Variants in ABCA13 observed in about 807,000 individuals in gnomAD.
ABCA13 encodes ATP binding cassette subfamily A member 13, also known as ATP-binding cassette sub-family A member 13.
Under a neutral mutation model 478.7 loss-of-function variants are expected in ABCA13, and 476 were observed. The observed-to-expected ratio is 0.99, with a 90% CI of 0.92 to 1.07. ABCA13 has a LOEUF of 1.07. Ranked by LOEUF, ABCA13 falls within the 50% of genes least tolerant of loss-of-function variation. The pLI, the probability that ABCA13 is intolerant of heterozygous loss-of-function variation, is 0.00. For synonymous variants in ABCA13, 2,252 were observed against 2,158.9 expected, an observed-to-expected ratio of 1.04 and a Z score of -1.20; for missense variants, 6,060 against 5,910.6, an observed-to-expected ratio of 1.03 and a Z score of -0.83.
At chr7:48,595,442 C>T (rs56408667) in intron 58 of ABCA13, among the ~76,000 whole-genome samples, 18,938 of 152,106 alleles carry the variant, frequency 0.12, 1,387 homozygotes, top group East Asian at 0.18. Context: ...CTTGTTTTGT[C>T]TTTATGTTTA....
At chr7:48,183,334 A>G (rs1795955267) in intron 1 of ABCA13, among the ~76,000 whole-genome samples, 1 of 152,248 alleles carries the variant, frequency 6.6e-6, no homozygotes, top group Non-Finnish European at 1.5e-5. Context: ...TGTTCAAGAC[A>G]GATGGAAAAT....
chr7:48,583,335 C>T (rs1468971890), intron 56 of ABCA13, among the ~76,000 whole-genome samples: 1 of 152,228 alleles, frequency 6.6e-6, no homozygotes, highest in Non-Finnish European at 1.5e-5. Context: ...CCAGGATAAA[C>T]ATTTCCATCT....
intron 59 of ABCA13, among the ~76,000 whole-genome samples, chr7:48,642,074 G>A (rs779807814): frequency 3.3e-5 from 5 of 152,172 alleles, no homozygotes; most frequent in Non-Finnish European, 7.3e-5. Flanking sequence ...TCTCAGCCAT[G>A]TGAAGATTAG....
chr7:48,381,614 C>T (rs1185906676), intron 35 of ABCA13, among the ~76,000 whole-genome samples: 1 of 152,102 alleles, frequency 6.6e-6, no homozygotes, highest in East Asian at 1.9e-4. Flanking sequence ...CTGGTCCTCT[C>T]GAAGAGTTTT....
chr7:48,516,162 G>A (rs1832090831), intron 51 of ABCA13, among the ~76,000 whole-genome samples: 1 of 152,300 alleles, frequency 6.6e-6, no homozygotes, highest in South Asian at 2.1e-4. Context: ...CAGTCTTACG[G>A]CTGTCCCCTT....
Position 48,278,452 on chromosome 7 carries a change from TC to T in ABCA13, c.7259del (p.Ser2420Ter). The T allele has an allele frequency of 6.2e-7, 1 of 1,613,986 alleles. No individual in the cohort carries two copies. Among genetic ancestry groups the T allele is most frequent in the Non-Finnish European group, 8.5e-7 (1 of 1,179,872 alleles). On this transcript the variant is annotated frameshift_variant, in exon 18 of 62. Coordinates refer to ENST00000435803, the MANE Select transcript of ABCA13 (RefSeq NM_152701.5). LOFTEE classifies it high-confidence loss of function. The stretch of plus-strand genomic sequence containing the variant: ...AGCTCTTCACCTTGTAAGAGAATGT[TC>T]AACAGAGATGGCAAGACTTCTGGAT... ...GSALHLVRECSTEMARLLDTI... is the reference protein window; with the variant it reads ...GSALHLVRECXTEMARLLDTI...
At chr7:48,418,080 C>A (rs182063351) in intron 41 of ABCA13, among the ~76,000 whole-genome samples, 1 of 152,122 alleles carries the variant, frequency 6.6e-6, no homozygotes, top group Non-Finnish European at 1.5e-5. Flanking sequence ...TTTATCTATT[C>A]ATCTACTGAA....
At position 48,276,431 on chromosome 7, in the gene ABCA13, C is replaced by G. The variant is rs748460691; in HGVS notation, c.6765C>G (p.Leu2255=). 2 of 1,573,332 alleles carry G rather than the reference C, an allele frequency of 1.3e-6. No individual in the cohort carries two copies. The highest frequency in any genetic ancestry group is 2.2e-5 in the East Asian group (1 of 44,508). ...CAGAAACTAGTAGGAAAACAGTTCT[C>G]TCTCTGAGAAGCATAGTAGATTTCA... ...MQSETSRKTV[L]SLRSIVDFTE... is the part of the protein sequence containing the mutation. The change falls in exon 17 of 62, where the codon CTC becomes CTG. Residue 2255 remains leucine, a synonymous_variant. Transcript: ENST00000435803.
Position 48,274,312 on chromosome 7 carries a change from C to T in ABCA13, c.4646C>T (p.Thr1549Ile). The change falls in exon 17 of 62, where the codon ACA becomes ATA. Residue 1549 changes from threonine to isoleucine, a missense_variant. This residue lies in a region of ABCA13 where 4,423 missense variants were observed against 4,309.1 expected (regional missense o/e 1.03). Transcript: ENST00000435803. ...QFQNIWLHLI[T>I]LGKEFQKLVK... ...CAAAATATTTGGCTTCATTTAATAA[C>T]ACTGGGGAAGGAATTTCAGAAGCTT... 1 of 1,613,422 alleles carries T rather than the reference C, an allele frequency of 6.2e-7. No homozygotes were observed. Among genetic ancestry groups the T allele is most frequent in the Non-Finnish European group, 8.5e-7 (1 of 1,179,658 alleles).
intron 1 of ABCA13, among the ~76,000 whole-genome samples, chr7:48,191,321 G>A (rs936903958): frequency 3.9e-5 from 6 of 152,242 alleles, no homozygotes; most frequent in African/African-American, 1.2e-4. Context: ...TTTCAGGACT[G>A]TGTCAGAGAA....
At position 48,279,110 on chromosome 7, in the gene ABCA13, C is replaced by G. The variant is rs758576574; in HGVS notation, c.7916C>G (p.Ala2639Gly). 1 of 1,610,898 alleles carries G rather than the reference C, an allele frequency of 6.2e-7. No individual in the cohort carries two copies. The highest frequency in any genetic ancestry group is 8.5e-7 in the Non-Finnish European group (1 of 1,178,960). The change falls in exon 18 of 62, where the codon GCT (alanine) becomes GGT (glycine). Residue 2639 changes from alanine to glycine, a missense_variant. By Grantham distance (60) the Ala-to-Gly change is moderately conservative (BLOSUM62 0). Transcript: ENST00000435803. ...TTTTCTGATATTTTGGAAGAAATTG[C>G]TGAATTTTTAACATCTGTGAAAATG... ...KDFSDILEEI[A>G]EFLTSVKMNL...
chr7:48,544,289 A>G (rs867983968), intron 55 of ABCA13, among the ~76,000 whole-genome samples: 12 of 151,798 alleles, frequency 7.9e-5, no homozygotes, highest in African/African-American at 2.7e-4. Context: ...CAAGCCTACA[A>G]CTCCTAAAAT....
At chr7:48,217,734 C>T (rs1288852377) in intron 3 of ABCA13, among the ~76,000 whole-genome samples, 1 of 152,164 alleles carries the variant, frequency 6.6e-6, no homozygotes, top group Non-Finnish European at 1.5e-5. Context: ...CTAGGTGCAG[C>T]ATTGGTTCCT....
At chr7:48,577,718 CTG>C (rs59839354) in intron 55 of ABCA13, among the ~76,000 whole-genome samples, 18,196 of 152,056 alleles carry the variant, frequency 0.12, 1,296 homozygotes, top group East Asian at 0.17. Context: ...TTATGGTTAA[CTG>C]TTTTTATGAG....
chr7:48,551,815 C>A (rs376207074), intron 55 of ABCA13, among the ~76,000 whole-genome samples: 14 of 151,742 alleles, frequency 9.2e-5, no homozygotes, highest in African/African-American at 2.9e-4. Context: ...TTTCAGCCTT[C>A]CCTTCTGAAA....
intron 42 of ABCA13, among the ~76,000 whole-genome samples, chr7:48,450,972 C>CTTTTTTTTTTTTTTTTTTTTTTTTTT (rs11423408): frequency 1.4e-5 from 2 of 139,692 alleles, no homozygotes; most frequent in African/African-American, 5.3e-5. Context: ...TTATTATATT[C>CTTTTTTTTTTTTTTTTTTTTTTTTTT]TTTTTTTTTT....
At chr7:48,178,943 T>C (rs1795256995) in intron 1 of ABCA13, among the ~76,000 whole-genome samples, 1 of 148,666 alleles carries the variant, frequency 6.7e-6, no homozygotes, top group African/African-American at 2.5e-5. Flanking sequence ...TTTAGGATGG[T>C]GGATTTACGT....
At chr7:48,291,355 C>G (rs1798510211) in intron 20 of ABCA13, among the ~76,000 whole-genome samples, 1 of 152,182 alleles carries the variant, frequency 6.6e-6, no homozygotes, top group African/African-American at 2.4e-5. Flanking sequence ...GTTACTCACA[C>G]AATGCAGGGG....
chr7:48,593,783 G>T lies in ABCA13; in HGVS notation c.14641-927G>T, dbSNP rs566460252. On this transcript the variant is annotated intron_variant, in intron 57 of 61. Transcript: ENST00000435803. ...AATGAACTCTTTCAGCTTTTGTTTG[G>T]GAAATTCTTTATCTCTTTTTTATCT... Among the ~76,000 whole-genome samples the T allele has an allele frequency of 6.6e-5, 10 of 151,566 alleles. No homozygotes were observed. In the South Asian group the frequency reaches 1.9e-3, roughly 28 times the overall value.
Sources: gnomAD v4.1 joint callset for allele counts (sites outside exome capture counted in the v4.1 genomes callset) on GRCh38, gnomAD v4.1.1 for gene constraint, gnomAD v4.1.1 regional missense constraint, MANE v1.5 for transcripts, NCBI Gene and HGNC (gene_info 2026-07-23, HGNC 2026-07-21) for gene names.